OPCML: variants seen among roughly 807,000 people sequenced by gnomAD.
OPCML encodes opioid binding protein/cell adhesion molecule like.
OPCML carries 13 observed loss-of-function variants against 37.8 expected under a neutral mutation model. The ratio of observed to expected loss-of-function variants is 0.34; its 90% CI spans 0.22 to 0.55. OPCML has a LOEUF of 0.55. Among genes scored for constraint, OPCML ranks in the 20% least tolerant of loss-of-function variants. OPCML has a pLI of 0.91. For missense variants in OPCML, 341 were observed against 435.6 expected (o/e 0.78, Z 1.93); for synonymous variants, 176 against 168.8 (o/e 1.04, Z -0.33).
chr11:132,430,386 TGA>T (rs1191811062), intron 7 of OPCML, among the ~76,000 whole-genome samples: 3 of 152,096 alleles, frequency 2.0e-5, no homozygotes, highest in Admixed American at 1.3e-4. Flanking sequence ...AAAGGGCAGA[TGA>T]GAGCCGCTGC....
chr11:133,433,183 C>T (rs1946160289), intron 1 of OPCML, among the ~76,000 whole-genome samples: 1 of 145,634 alleles, frequency 6.9e-6, no homozygotes, highest in Non-Finnish European at 1.5e-5. Context: ...ACCCGGGAGG[C>T]GGAGCTTGCA....
At chr11:132,463,732 T>G (rs2096110680) in intron 4 of OPCML, among the ~76,000 whole-genome samples, 1 of 152,238 alleles carries the variant, frequency 6.6e-6, no homozygotes, top group Non-Finnish European at 1.5e-5. Context: ...CAAACTTTGC[T>G]GGTCAGTCAT....
At chr11:133,201,656 G>A (rs1592098374) in intron 1 of OPCML, among the ~76,000 whole-genome samples, 1 of 152,032 alleles carries the variant, frequency 6.6e-6, no homozygotes, top group African/African-American at 2.4e-5. Flanking sequence ...ATGAAGGAGA[G>A]GAGAAAAAGA....
At chr11:132,431,218 C>T (rs2136704807) in intron 7 of OPCML, among the ~76,000 whole-genome samples, 1 of 152,330 alleles carries the variant, frequency 6.6e-6, no homozygotes, top group Non-Finnish European at 1.5e-5. Flanking sequence ...CTGTTCCTTG[C>T]CTTTTGTTCC....
intron 3 of OPCML, among the ~76,000 whole-genome samples, chr11:132,557,524 G>C (rs2096398555): frequency 6.6e-6 from 1 of 152,198 alleles, no homozygotes; most frequent in Non-Finnish European, 1.5e-5. Flanking sequence ...GCTGTCCAAT[G>C]AAGGGCCATG....
intron 2 of OPCML, among the ~76,000 whole-genome samples, chr11:132,726,513 T>TG (rs1002535348): frequency 1.1e-4 from 17 of 151,720 alleles, no homozygotes; most frequent in Non-Finnish European, 2.1e-4. Context: ...TCAACATTTT[T>TG]TTTTTTTAAA....
intron 3 of OPCML, among the ~76,000 whole-genome samples, chr11:132,583,222 T>C (rs1404344109): frequency 6.6e-6 from 1 of 151,970 alleles, no homozygotes; most frequent in Non-Finnish European, 1.5e-5. Flanking sequence ...CCACCACACC[T>C]GGCTAATTTT....
chr11:133,442,665 T>A (rs1946386926), intron 1 of OPCML, among the ~76,000 whole-genome samples: 3 of 151,780 alleles, frequency 2.0e-5, no homozygotes, highest in South Asian at 4.2e-4. Flanking sequence ...TATGGAACAG[T>A]TGCAAAACAT....
Position 132,942,935 on chromosome 11 carries a change from G to A in OPCML, c.137C>T (p.Ala46Val). 9 of 1,614,062 alleles carry A rather than the reference G, an allele frequency of 5.6e-6. No individual in the cohort carries two copies. The highest frequency in any genetic ancestry group is 7.6e-6 in the Non-Finnish European group (9 of 1,179,960). Reference protein sequence around the residue: ...DNVTVRQGESATLRCTIDDRV... With the variant: ...DNVTVRQGESVTLRCTIDDRV... ...AAGGACAGCTCCCTACCTGAGGGTG[G>A]CGCTCTCCCCCTGCCGGACCGTCAC... Residue 46 changes from alanine to valine, a missense_variant, in exon 2 of 8, where the codon GCC (alanine) becomes GTC (valine). Coordinates refer to ENST00000524381, the MANE Select transcript of OPCML (RefSeq NM_001012393.5).
At chr11:132,632,810 T>C (rs2135698660) in intron 3 of OPCML, among the ~76,000 whole-genome samples, 1 of 152,318 alleles carries the variant, frequency 6.6e-6, no homozygotes, top group East Asian at 1.9e-4. Context: ...GCACGGCTGC[T>C]GCTCCACTCT....
chr11:133,437,384 GA>G (rs947496901), intron 1 of OPCML, among the ~76,000 whole-genome samples: 2 of 152,146 alleles, frequency 1.3e-5, no homozygotes, highest in African/African-American at 4.8e-5. Context: ...TCTTCCTGGG[GA>G]GTCAAGATGT....
At chr11:133,453,657 A>T (rs1946621012) in intron 1 of OPCML, among the ~76,000 whole-genome samples, 1 of 152,170 alleles carries the variant, frequency 6.6e-6, no homozygotes, top group Admixed American at 6.5e-5. Context: ...TCCTAAACAC[A>T]GCTCAGCCAC....
intron 4 of OPCML, among the ~76,000 whole-genome samples, chr11:132,479,688 A>T (rs1395010247): frequency 6.6e-6 from 1 of 152,322 alleles, no homozygotes; most frequent in South Asian, 2.1e-4. Context: ...GAGAACAGGC[A>T]GACTGCCTCC....
intron 1 of OPCML, among the ~76,000 whole-genome samples, chr11:133,109,221 T>C (rs1279573546): frequency 6.6e-6 from 1 of 152,188 alleles, no homozygotes; most frequent in Non-Finnish European, 1.5e-5. Context: ...CACGGAACTT[T>C]GCCGTGGGTG....
At chr11:132,546,396 C>G (rs2096368718) in intron 3 of OPCML, among the ~76,000 whole-genome samples, 1 of 152,176 alleles carries the variant, frequency 6.6e-6, no homozygotes, top group Non-Finnish European at 1.5e-5. Flanking sequence ...GTAGTATACA[C>G]TGCACCCAAT....
intron 1 of OPCML, among the ~76,000 whole-genome samples, chr11:133,268,657 A>G (rs534836005): frequency 6.6e-6 from 1 of 152,344 alleles, no homozygotes; most frequent in Admixed American, 6.5e-5. Flanking sequence ...TAGATTAACA[A>G]TTTAAGGTAA....
intron 1 of OPCML, among the ~76,000 whole-genome samples, chr11:133,259,098 G>T: frequency 6.6e-6 from 1 of 152,184 alleles, no homozygotes; most frequent in East Asian, 1.9e-4. Flanking sequence ...GTCAGAAATT[G>T]TTCAACCTTT....
chr11:133,344,802 A>C (rs557962280), intron 1 of OPCML, among the ~76,000 whole-genome samples: 60 of 152,296 alleles, frequency 3.9e-4, no homozygotes, highest in Non-Finnish European at 6.5e-4. Context: ...TGCCACCTCC[A>C]TCATGACAAC....
intron 1 of OPCML, among the ~76,000 whole-genome samples, chr11:133,017,998 A>C (rs1426059716): frequency 6.6e-6 from 1 of 152,100 alleles, no homozygotes; most frequent in African/African-American, 2.4e-5. Flanking sequence ...GCGCTCTGGG[A>C]GCATGGGATC....
Sources: allele counts gnomAD v4.1 joint callset (sites outside exome capture counted in the v4.1 genomes callset), GRCh38; gene constraint gnomAD v4.1.1; transcripts MANE v1.5; gene names NCBI Gene and HGNC (gene_info 2026-07-23, HGNC 2026-07-21).